CADPS: variants seen among roughly 807,000 people sequenced by gnomAD.
The protein encoded by CADPS is calcium-dependent secretion activator 1.
A neutral mutation model predicts 167.3 loss-of-function variants in CADPS; 57 were observed. The observed-to-expected ratio is 0.34, with a 90% CI of 0.28 to 0.42. The LOEUF is 0.42. Ranked by LOEUF, CADPS falls within the 20% of genes least tolerant of loss-of-function variation. The pLI, the probability that CADPS is intolerant of heterozygous loss-of-function variation, is 1.00. For synonymous variants in CADPS, 676 were observed against 635.3 expected (o/e 1.06, Z -0.96); for missense variants, 1,414 against 1,738.1 (o/e 0.81, Z 3.32).
chr3:62,514,707 A>G lies in CADPS; in HGVS notation c.2581+1352T>C, dbSNP rs2068585135. Among the ~76,000 whole-genome samples the G allele has an allele frequency of 6.6e-6, 1 of 152,166 alleles. No individual in the cohort carries two copies. Among genetic ancestry groups the G allele is most frequent in the Non-Finnish European group, 1.5e-5 (1 of 67,994 alleles). ...AGTAATAGCTAGACCAAGACCTATGAGGCAGCAGCCATGGCAACAGAACGT... is the reference window on the plus strand; with the variant it reads ...AGTAATAGCTAGACCAAGACCTATGGGGCAGCAGCCATGGCAACAGAACGT... On this transcript the variant is annotated intron_variant, in intron 16 of 29. Coordinates refer to ENST00000383710, the MANE Select transcript of CADPS (RefSeq NM_003716.4). The surrounding 1 kb of genome is among the most constrained non-coding windows in gnomAD (Gnocchi z 4.2).
chr3:62,502,026 T>C (rs1389750245), intron 17 of CADPS, among the ~76,000 whole-genome samples: 3 of 152,224 alleles, frequency 2.0e-5, no homozygotes, highest in Non-Finnish European at 2.9e-5. Context: ...GATCCTTTAA[T>C]CTAGAACACT....
intron 26 of CADPS, among the ~76,000 whole-genome samples, chr3:62,463,211 C>T (rs560097482): frequency 2.0e-5 from 3 of 152,236 alleles, no homozygotes; most frequent in East Asian, 1.9e-4. Context: ...TTCTTGATAT[C>T]GCTGCCCCTG....
chr3:62,442,367 G>A (rs1358496780), intron 27 of CADPS, among the ~76,000 whole-genome samples: 1 of 152,014 alleles, frequency 6.6e-6, no homozygotes, highest in Non-Finnish European at 1.5e-5. Flanking sequence ...ACAGGTGCAC[G>A]CCACCACACC....
intron 1 of CADPS, among the ~76,000 whole-genome samples, chr3:62,849,283 G>A (rs1471822107): frequency 1.4e-5 from 2 of 148,022 alleles, no homozygotes; most frequent in African/African-American, 5.0e-5. Context: ...TCTCCTGCCT[G>A]ATTGCCCTGG....
intron 26 of CADPS, among the ~76,000 whole-genome samples, chr3:62,464,554 G>A (rs2059730302): frequency 6.6e-6 from 1 of 152,168 alleles, no homozygotes; most frequent in Non-Finnish European, 1.5e-5. Flanking sequence ...CCCCGAAGCA[G>A]TCCATTTATA....
intron 6 of CADPS, among the ~76,000 whole-genome samples, chr3:62,621,710 A>G (rs72874424): frequency 0.027 from 4,103 of 151,904 alleles, 181 homozygotes; most frequent in African/African-American, 0.091. Context: ...AGTACCCTTT[A>G]GTTATTTTTT....
intron 6 of CADPS, among the ~76,000 whole-genome samples, chr3:62,632,491 G>C (rs538981548): frequency 1.3e-5 from 2 of 152,082 alleles, no homozygotes; most frequent in East Asian, 1.9e-4. Context: ...TGTTGGGAAG[G>C]GTCCTGGGTC....
At chr3:62,794,198 T>C (rs1015271919) in intron 1 of CADPS, among the ~76,000 whole-genome samples, 1 of 152,212 alleles carries the variant, frequency 6.6e-6, no homozygotes, top group Non-Finnish European at 1.5e-5. Context: ...CCATGAAACC[T>C]TGGCACATGA....
intron 3 of CADPS, among the ~76,000 whole-genome samples, chr3:62,725,329 G>C: frequency 6.6e-6 from 1 of 152,218 alleles, no homozygotes. Context: ...AGTTGGATTA[G>C]TGACACATGA....
rs1233810411 is a variant in CADPS at position 62,571,158 on chromosome 3, T to C, written c.1578-220A>G. On this transcript the variant is annotated intron_variant, in intron 8 of 29. Transcript: ENST00000383710. Reference sequence around the variant, plus strand: ...AGGCCTATCATGAGACTTAGACTCCTTGACTGATTCCAGAAAGCACCTTGG... The same window carrying C: ...AGGCCTATCATGAGACTTAGACTCCCTGACTGATTCCAGAAAGCACCTTGG... Among the ~76,000 whole-genome samples, 6 of 152,194 alleles carry C rather than the reference T, an allele frequency of 3.9e-5. No individual in the cohort carries two copies. In the South Asian group the frequency reaches 6.2e-4, roughly 16 times the overall value.
chr3:62,830,659 A>C (rs2074915955), intron 1 of CADPS, among the ~76,000 whole-genome samples: 1 of 152,178 alleles, frequency 6.6e-6, no homozygotes, highest in Admixed American at 6.6e-5. Context: ...CTAGCTGTAC[A>C]GACCTGACTT....
At chr3:62,689,786 G>A (rs749907470) in intron 3 of CADPS, among the ~76,000 whole-genome samples, 1 of 151,986 alleles carries the variant, frequency 6.6e-6, no homozygotes, top group Non-Finnish European at 1.5e-5. Flanking sequence ...AGCTCCTTGA[G>A]GCAAGTGGAA....
At chr3:62,854,721 C>T (rs2079314873) in intron 1 of CADPS, among the ~76,000 whole-genome samples, 2 of 152,154 alleles carry the variant, frequency 1.3e-5, no homozygotes, top group Admixed American at 6.5e-5. Context: ...CAATGTAAAA[C>T]ATCTACATTG....
chr3:62,830,766 G>A (rs368712257), intron 1 of CADPS, among the ~76,000 whole-genome samples: 1 of 152,068 alleles, frequency 6.6e-6, no homozygotes, highest in African/African-American at 2.4e-5. Context: ...GACCTGATAC[G>A]TTTTGTGGAG....
At chr3:62,779,710 T>C (rs2091175750) in intron 1 of CADPS, 2 of 432,090 alleles carry the variant, frequency 4.6e-6, no homozygotes, top group South Asian at 3.8e-5. Flanking sequence ...ACATCTACAG[T>C]TGTGACCAGT....
chr3:62,453,864 T>A (rs980930988), intron 26 of CADPS, among the ~76,000 whole-genome samples: 1 of 152,188 alleles, frequency 6.6e-6, no homozygotes, highest in East Asian at 1.9e-4. Flanking sequence ...CTGGGCCAGT[T>A]GGGAGGCACT....
At position 62,581,449 on chromosome 3, in the gene CADPS, TA is replaced by T. The variant is rs549450552; in HGVS notation, c.1577+3735del. On this transcript the variant is annotated intron_variant, in intron 8 of 29. Transcript: ENST00000383710. ...TAAATTTTGAACCTGGTTAGAAAAT[TA>T]AAAAAAAAAAAAAAAAAGGAGTTCG... Among the ~76,000 whole-genome samples, 650 of 121,456 alleles carry T rather than the reference TA, an allele frequency of 5.4e-3. 1 individual carries two copies. Among genetic ancestry groups the T allele is most frequent in the African/African-American group, 0.01 (340 of 33,696 alleles). The allele number at this position is 121,456 out of a possible 152,430, so 79.7% of individuals were successfully genotyped here. A position where few individuals can be genotyped will look rare whatever the true frequency, so the allele number is the denominator to read the frequency against.
In CADPS at chr3:62,727,313, A is replaced by T. The variant is rs146397392; in HGVS notation, c.888+26128T>A. Among the ~76,000 whole-genome samples the T allele has an allele frequency of 1.8e-3, 281 of 152,056 alleles. 9 individuals are homozygous for T. The highest frequency in any genetic ancestry group is 6.4e-3 in the African/African-American group (263 of 41,330). On this transcript the variant is annotated intron_variant, in intron 3 of 29. Coordinates refer to ENST00000383710, the MANE Select transcript of CADPS (RefSeq NM_003716.4). ...GCAACAATATAAATAAAGCTCATAG[A>T]TGTGAAGTCAATCAAGAGAAGGCAG...
chr3:62,624,426 C>T (rs1348858210), intron 6 of CADPS, among the ~76,000 whole-genome samples: 1 of 151,962 alleles, frequency 6.6e-6, no homozygotes, highest in Non-Finnish European at 1.5e-5. Flanking sequence ...GCCAAAAATG[C>T]AAATGAATTG....
Sources: allele counts gnomAD v4.1 joint callset (sites outside exome capture counted in the v4.1 genomes callset), GRCh38; gene constraint gnomAD v4.1.1; non-coding constraint Gnocchi (gnomAD v3.1); transcripts MANE v1.5; gene names NCBI Gene and HGNC (gene_info 2026-07-23, HGNC 2026-07-21).